The following NCK2 variants were observed in gnomAD, a reference collection of about 807,000 sequenced individuals.
The protein encoded by NCK2 is NCK adaptor protein 2.
In NCK2, 16 loss-of-function variants were observed where a neutral mutation model predicts 33.9. The ratio of observed to expected loss-of-function variants is 0.47; its 90% CI spans 0.32 to 0.72. The LOEUF (loss-of-function observed/expected upper bound fraction) is 0.72, where lower values mean the gene tolerates loss of function less well. Among genes scored for constraint, NCK2 ranks in the 30% least tolerant of loss-of-function variants. The pLI is 0.03. For missense variants in NCK2, 418 were observed against 537.3 expected (o/e 0.78, Z 2.19); for synonymous variants, 273 against 239.9 (o/e 1.14, Z -1.27).
chr2:105,815,492 A>G (rs1274534726), intron 1 of NCK2, among the ~76,000 whole-genome samples: 2 of 152,224 alleles, frequency 1.3e-5, no homozygotes, highest in African/African-American at 4.8e-5. Flanking sequence ...TAAAAATGTC[A>G]GTGAACTCAC....
At chr2:105,774,140 C>A (rs1432301169) in intron 1 of NCK2, among the ~76,000 whole-genome samples, 3 of 151,896 alleles carry the variant, frequency 2.0e-5, no homozygotes, top group African/African-American at 4.8e-5. Flanking sequence ...TCCAGAGTAG[C>A]TGAGACTACA....
At chr2:105,807,676 CCTCT>C (rs892978531) in intron 1 of NCK2, among the ~76,000 whole-genome samples, 1 of 151,470 alleles carries the variant, frequency 6.6e-6, no homozygotes, top group Non-Finnish European at 1.5e-5. Flanking sequence ...TTTTTTTCAA[CCTCT>C]CTCCTTTTTT....
At chr2:105,778,880 A>G (rs1389549348) in intron 1 of NCK2, among the ~76,000 whole-genome samples, 1 of 151,718 alleles carries the variant, frequency 6.6e-6, no homozygotes, top group Non-Finnish European at 1.5e-5. Context: ...ACACCACTAT[A>G]CCAGGCTAAT....
intron 1 of NCK2, among the ~76,000 whole-genome samples, chr2:105,755,273 C>G (rs997748839): frequency 1.3e-5 from 2 of 152,126 alleles, no homozygotes; most frequent in African/African-American, 4.8e-5. Flanking sequence ...GCATTATCAT[C>G]TTTTTTAAAA....
chr2:105,876,735 G>A (rs3754801), intron 3 of NCK2, among the ~76,000 whole-genome samples: 29,146 of 152,216 alleles, frequency 0.19, 3,419 homozygotes, highest in East Asian at 0.31. Flanking sequence ...AGCAGTAGGT[G>A]GTTTTACTTT....
intron 2 of NCK2, chr2:105,847,440 A>T (rs745834850): frequency 3.3e-5 from 5 of 152,098 alleles, no homozygotes; most frequent in Admixed American, 6.5e-5. Context: ...AATATGTACT[A>T]TAATTACTGT....
chr2:105,810,246 G>T (rs1675237788), intron 1 of NCK2, among the ~76,000 whole-genome samples: 1 of 152,158 alleles, frequency 6.6e-6, no homozygotes, highest in African/African-American at 2.4e-5. Flanking sequence ...CCCTAAAAGT[G>T]TTAATAATAG....
At chr2:105,886,951 G>A (rs1378268043) in intron 4 of NCK2, among the ~76,000 whole-genome samples, 1 of 152,230 alleles carries the variant, frequency 6.6e-6, no homozygotes, top group Non-Finnish European at 1.5e-5. Context: ...ACATGTCAGT[G>A]TGGATTGGCT....
At chr2:105,885,765 C>T (rs1678695169) in intron 4 of NCK2, among the ~76,000 whole-genome samples, 1 of 152,068 alleles carries the variant, frequency 6.6e-6, no homozygotes, top group African/African-American at 2.4e-5. Context: ...TTATTAAAAC[C>T]ATTTCTGCAT....
intron 2 of NCK2, among the ~76,000 whole-genome samples, chr2:105,835,477 A>G (rs1344756816): frequency 1.4e-5 from 2 of 139,252 alleles, no homozygotes; most frequent in Non-Finnish European, 3.1e-5. Context: ...CCTGGCCTGT[A>G]AGGTTTCTGC....
chr2:105,821,422 C>T (rs1675733145), intron 2 of NCK2, among the ~76,000 whole-genome samples: 1 of 152,194 alleles, frequency 6.6e-6, no homozygotes. Flanking sequence ...CCTTCTGCCG[C>T]ACTCTGGACC....
intron 1 of NCK2, among the ~76,000 whole-genome samples, chr2:105,745,419 C>G (rs1261902645): frequency 6.6e-6 from 1 of 151,802 alleles, no homozygotes; most frequent in African/African-American, 2.4e-5. Context: ...CAGCCAAGGG[C>G]GCGGGCGAGG....
intron 1 of NCK2, among the ~76,000 whole-genome samples, chr2:105,802,417 T>G (rs1026302865): frequency 6.6e-6 from 1 of 152,202 alleles, no homozygotes; most frequent in Non-Finnish European, 1.5e-5. Flanking sequence ...CTGGGTCATT[T>G]ATAAAGAAAA....
At chr2:105,824,271 C>T (rs199762484) in intron 2 of NCK2, among the ~76,000 whole-genome samples, 6 of 150,382 alleles carry the variant, frequency 4.0e-5, no homozygotes, top group East Asian at 1.9e-4. Context: ...GGGCCCCTGA[C>T]GGTGCTCACA....
intron 3 of NCK2, among the ~76,000 whole-genome samples, chr2:105,873,922 G>A (rs1203278618): frequency 6.6e-6 from 1 of 152,154 alleles, no homozygotes; most frequent in Non-Finnish European, 1.5e-5. Flanking sequence ...CCCCATGACT[G>A]TAGCAAGGGT....
chr2:105,796,800 T>C (rs1691096358), intron 1 of NCK2, among the ~76,000 whole-genome samples: 1 of 152,218 alleles, frequency 6.6e-6, no homozygotes, highest in South Asian at 2.1e-4. Context: ...AAATGCAGTA[T>C]ACATTTGATT....
intron 3 of NCK2, among the ~76,000 whole-genome samples, chr2:105,868,237 C>T (rs1198756884): frequency 1.3e-5 from 2 of 152,198 alleles, no homozygotes; most frequent in African/African-American, 2.4e-5. Flanking sequence ...GAAGTCTGTC[C>T]CTATGATCAA....
chr2:105,820,780 A>G (rs924823053), intron 2 of NCK2, among the ~76,000 whole-genome samples: 3 of 152,240 alleles, frequency 2.0e-5, no homozygotes, highest in African/African-American at 7.2e-5. Flanking sequence ...TGACTTTTGA[A>G]AAGCTTTTGG....
At chr2:105,861,098 T>A (rs768725117) in intron 3 of NCK2, among the ~76,000 whole-genome samples, 4 of 152,070 alleles carry the variant, frequency 2.6e-5, no homozygotes, top group Non-Finnish European at 5.9e-5. Context: ...TTTTCTAAAT[T>A]GAGTTCTTGT....
Sources: gnomAD v4.1 joint callset for allele counts (sites outside exome capture counted in the v4.1 genomes callset) on GRCh38, gnomAD v4.1.1 for gene constraint, MANE v1.5 for transcripts, NCBI Gene and HGNC (gene_info 2026-07-23, HGNC 2026-07-21) for gene names.